The following PSMG2 variants were observed in gnomAD, a reference collection of about 807,000 sequenced individuals.
PSMG2 encodes proteasome assembly chaperone 2.
A neutral mutation model predicts 31.5 loss-of-function variants in PSMG2; 21 were observed. That is an observed-to-expected ratio of 0.67 (90% confidence interval 0.47 to 0.96). The LOEUF (loss-of-function observed/expected upper bound fraction) is 0.96, where lower values mean the gene tolerates loss of function less well. Ranked by LOEUF, PSMG2 falls within the 40% of genes least tolerant of loss-of-function variation. PSMG2 has a pLI of 0.00. For missense variants in PSMG2, 318 were observed against 321.2 expected, an observed-to-expected ratio of 0.99 and a Z score of 0.08; for synonymous variants, 120 against 110.4, an observed-to-expected ratio of 1.09 and a Z score of -0.54.
intron 1 of PSMG2, among the ~76,000 whole-genome samples, chr18:12,659,989 G>T (rs1229064385): frequency 6.6e-6 from 1 of 152,042 alleles, no homozygotes; most frequent in African/African-American, 2.4e-5. Context: ...AAAATATTTT[G>T]AACAATCCAG....
chr18:12,700,071 G>A, upstream of PSMG2: 3 of 428,818 alleles, frequency 7.0e-6, no homozygotes, highest in South Asian at 6.8e-5. Flanking sequence ...ATAAAAGCCT[G>A]CATAAAAGAT....
intron 5 of PSMG2, among the ~76,000 whole-genome samples, chr18:12,723,625 C>G (rs1367086263): frequency 6.6e-6 from 1 of 152,096 alleles, no homozygotes; most frequent in Non-Finnish European, 1.5e-5. Context: ...CTCCTGACCT[C>G]AAATGATTTG....
At chr18:12,663,145 C>T (rs951621149) in intron 1 of PSMG2, among the ~76,000 whole-genome samples, 1 of 152,170 alleles carries the variant, frequency 6.6e-6, no homozygotes, top group African/African-American at 2.4e-5. Flanking sequence ...AATTCAAATA[C>T]ATTTCCTATA....
intron 1 of PSMG2, chr18:12,685,770 T>C (rs2039519456): frequency 6.6e-6 from 1 of 152,666 alleles, no homozygotes; most frequent in Non-Finnish European, 1.5e-5. Flanking sequence ...TAGCTGGGAT[T>C]ACAGGCACAC....
At chr18:12,698,888 TCTC>T, upstream of PSMG2, 1 of 894,510 alleles carries the variant, frequency 1.1e-6, no homozygotes, top group Non-Finnish European at 1.7e-6. Flanking sequence ...ATTATAAATC[TCTC>T]CTTACAGAAA....
At chr18:12,716,724 A>G (rs1309810623) in intron 3 of PSMG2, among the ~76,000 whole-genome samples, 1 of 151,920 alleles carries the variant, frequency 6.6e-6, no homozygotes, top group Non-Finnish European at 1.5e-5. Context: ...GCAAACATTT[A>G]TTGAGCATTG....
upstream of PSMG2, chr18:12,702,495 C>T (rs1285216609): frequency 6.2e-7 from 1 of 1,609,618 alleles, no homozygotes; most frequent in Non-Finnish European, 8.5e-7. Context: ...CCTTGCTCAG[C>T]TGCTGGTGGA....
chr18:12,677,413 C>T (rs1390490862), intron 1 of PSMG2, among the ~76,000 whole-genome samples: 4 of 144,230 alleles, frequency 2.8e-5, no homozygotes, highest in East Asian at 4.0e-4. Flanking sequence ...GCCAAGATCA[C>T]GCCACTGCGC....
intron 3 of PSMG2, 90 bp from the exon 4 acceptor site, chr18:12,718,427 C>A: frequency 3.2e-6 from 2 of 623,204 alleles, no homozygotes; most frequent in Non-Finnish European, 5.2e-6. Flanking sequence ...ATCATTATCA[C>A]ATAAAGTTGA....
chr18:12,712,783 T>C (rs2040343287), intron 3 of PSMG2, 23 bp downstream of exon 3: 1 of 1,558,300 alleles, frequency 6.4e-7, no homozygotes, highest in South Asian at 1.2e-5. Context: ...TAGTTTGCCT[T>C]TTTGTTTATT....
intron 1 of PSMG2, among the ~76,000 whole-genome samples, chr18:12,704,815 A>G (rs1186775456): frequency 6.6e-6 from 1 of 152,228 alleles, no homozygotes; most frequent in African/African-American, 2.4e-5. Context: ...GTTTAACCCA[A>G]GTAGCAAAAT....
chr18:12,675,929 A>G (rs961582153), intron 1 of PSMG2, among the ~76,000 whole-genome samples: 2 of 152,268 alleles, frequency 1.3e-5, no homozygotes, highest in Admixed American at 6.5e-5. Context: ...TCGGCCTCCC[A>G]AAGTGCTGGG....
At chr18:12,673,415 C>T in intron 1 of PSMG2, 1 of 1,606,592 alleles carries the variant, frequency 6.2e-7, no homozygotes, top group Non-Finnish European at 8.5e-7. Context: ...ACAGCACATG[C>T]AGATTCAGGG....
intron 1 of PSMG2, chr18:12,678,237 C>G: frequency 6.2e-7 from 1 of 1,614,178 alleles, no homozygotes; most frequent in Non-Finnish European, 8.5e-7. Context: ...GGAGCACACA[C>G]AGATTTAATT....
At chr18:12,706,756 A>G (rs2040273288) in intron 2 of PSMG2, 35 bp downstream of exon 2, 1 of 1,546,922 alleles carries the variant, frequency 6.5e-7, no homozygotes. Flanking sequence ...TTTCCACTAC[A>G]AAGTAGAGTT....
intron 1 of PSMG2, among the ~76,000 whole-genome samples, chr18:12,704,106 A>T (rs559042543): frequency 1.3e-5 from 2 of 152,318 alleles, no homozygotes; most frequent in African/African-American, 4.8e-5. Flanking sequence ...GGGAGTGGCC[A>T]TGTCAAAAGT....
chr18:12,725,574 C>A lies in PSMG2; in HGVS notation c.*43C>A. On this transcript the variant is annotated 3_prime_UTR_variant, in exon 7 of 7. Coordinates refer to ENST00000317615, the MANE Select transcript of PSMG2 (RefSeq NM_020232.5). ...ACCTTATACCCAAAACACTTACTACCAACACAGCTGTTAAACATTCTATAC... is the reference window on the plus strand; with the variant it reads ...ACCTTATACCCAAAACACTTACTACAAACACAGCTGTTAAACATTCTATAC... 2 of 1,415,086 alleles carry A rather than the reference C, an allele frequency of 1.4e-6. No individual in the cohort carries two copies. The highest frequency in any genetic ancestry group is 2.0e-6 in the Non-Finnish European group (2 of 1,013,138). The allele number at this position is 1,415,086 out of a possible 1,614,324, so 87.7% of individuals were successfully genotyped here.
intron 5 of PSMG2, among the ~76,000 whole-genome samples, chr18:12,723,266 G>C (rs1328763975): frequency 6.6e-6 from 1 of 152,030 alleles, no homozygotes; most frequent in East Asian, 1.9e-4. Flanking sequence ...TAGGGTGTTA[G>C]GAGTAATTTT....
chr18:12,724,442 A>G, intron 5 of PSMG2, 57 bp from the exon 6 acceptor site: 1 of 1,469,922 alleles, frequency 6.8e-7, no homozygotes, highest in Non-Finnish European at 9.1e-7. Context: ...CAGACACACT[A>G]GAGTCAGCTC....
Sources: allele counts gnomAD v4.1 joint callset (sites outside exome capture counted in the v4.1 genomes callset), GRCh38; gene constraint gnomAD v4.1.1; transcripts MANE v1.5; gene names NCBI Gene and HGNC (gene_info 2026-07-23, HGNC 2026-07-21).